The following PXDNL variants were observed in gnomAD, a reference collection of about 807,000 sequenced individuals.
PXDNL encodes the protein peroxidasin like, also known as probable oxidoreductase PXDNL.
Under a neutral mutation model 150.8 loss-of-function variants are expected in PXDNL, and 145 were observed. The ratio of observed to expected loss-of-function variants is 0.96; its 90% CI spans 0.84 to 1.10. PXDNL has a LOEUF of 1.10. Ranked by LOEUF, PXDNL falls within the 50% of genes least tolerant of loss-of-function variation. The pLI, the probability that PXDNL is intolerant of heterozygous loss-of-function variation, is 0.00. For synonymous variants in PXDNL, 757 were observed against 725.7 expected, an observed-to-expected ratio of 1.04 and a Z score of -0.69; for missense variants, 2,087 against 1,873.9, an observed-to-expected ratio of 1.11 and a Z score of -2.10.
At chr8:51,576,662 T>G (rs991469202) in intron 3 of PXDNL, among the ~76,000 whole-genome samples, 6 of 151,300 alleles carry the variant, frequency 4.0e-5, no homozygotes, top group African/African-American at 9.7e-5. Context: ...ATAATAAAAA[T>G]AAGCAAAACT....
chr8:51,612,893 T>C (rs1814046019), intron 2 of PXDNL, among the ~76,000 whole-genome samples: 2 of 152,200 alleles, frequency 1.3e-5, no homozygotes, highest in African/African-American at 4.8e-5. Flanking sequence ...TTTTTCCTTG[T>C]TTTTCTACAC....
At chr8:51,733,580 G>T (rs990227058) in intron 1 of PXDNL, among the ~76,000 whole-genome samples, 1 of 152,042 alleles carries the variant, frequency 6.6e-6, no homozygotes, top group Non-Finnish European at 1.5e-5. Context: ...GGCTGAGGTG[G>T]GCAGATCACT....
intron 17 of PXDNL, among the ~76,000 whole-genome samples, chr8:51,403,258 G>T (rs186781538): frequency 5.3e-4 from 80 of 152,128 alleles, no homozygotes; most frequent in Non-Finnish European, 6.0e-4. Context: ...ATGAAAAAAA[G>T]ATTTCCTGAG....
At chr8:51,792,263 G>T (rs2129256745) in intron 1 of PXDNL, among the ~76,000 whole-genome samples, 1 of 152,134 alleles carries the variant, frequency 6.6e-6, no homozygotes, top group African/African-American at 2.4e-5. Flanking sequence ...CTAGGTGGTT[G>T]GCATGACCCA....
At chr8:51,759,142 C>T (rs1161348084) in intron 1 of PXDNL, among the ~76,000 whole-genome samples, 1 of 152,096 alleles carries the variant, frequency 6.6e-6, no homozygotes, top group Non-Finnish European at 1.5e-5. Flanking sequence ...TTTGTTTGCC[C>T]CCGCATTGGT....
chr8:51,418,756 C>G (rs939608381), intron 14 of PXDNL, among the ~76,000 whole-genome samples: 1 of 152,146 alleles, frequency 6.6e-6, no homozygotes, highest in African/African-American at 2.4e-5. Context: ...GCTAACGTAG[C>G]CTTAAATCTT....
At chr8:51,422,432 G>A (rs1808980246) in intron 14 of PXDNL, among the ~76,000 whole-genome samples, 2 of 152,148 alleles carry the variant, frequency 1.3e-5, no homozygotes, top group African/African-American at 4.8e-5. Flanking sequence ...GAATATGTAA[G>A]TGGAAGAATG....
intron 5 of PXDNL, among the ~76,000 whole-genome samples, chr8:51,493,517 A>T (rs1196655712): frequency 6.6e-6 from 1 of 152,172 alleles, no homozygotes; most frequent in Admixed American, 6.6e-5. Context: ...CATGGCAAAG[A>T]AGTTAAAAAC....
At chr8:51,517,296 T>A (rs531249574) in intron 4 of PXDNL, among the ~76,000 whole-genome samples, 1 of 152,274 alleles carries the variant, frequency 6.6e-6, no homozygotes, top group East Asian at 1.9e-4. Context: ...AACCATTGTT[T>A]TATAGCAATG....
intron 4 of PXDNL, among the ~76,000 whole-genome samples, chr8:51,553,299 C>T (rs1041713617): frequency 6.6e-6 from 1 of 152,110 alleles, no homozygotes; most frequent in South Asian, 2.1e-4. Context: ...TGGTGGCAGT[C>T]CCACTCCCAT....
chr8:51,511,739 C>T (rs935634485), intron 4 of PXDNL, among the ~76,000 whole-genome samples: 1 of 152,158 alleles, frequency 6.6e-6, no homozygotes, highest in African/African-American at 2.4e-5. Flanking sequence ...TGCACTCCCC[C>T]CTTTCTAGGG....
intron 1 of PXDNL, among the ~76,000 whole-genome samples, chr8:51,765,893 G>T (rs561740697): frequency 6.6e-6 from 1 of 150,982 alleles, no homozygotes; most frequent in African/African-American, 2.4e-5. Context: ...CCCCAGGCTG[G>T]AGTGCAGTGG....
intron 4 of PXDNL, among the ~76,000 whole-genome samples, chr8:51,526,070 A>G (rs964142304): frequency 6.6e-6 from 1 of 152,156 alleles, no homozygotes; most frequent in African/African-American, 2.4e-5. Flanking sequence ...CGAAATGAAA[A>G]TGTCACTGAA....
At chr8:51,674,937 G>A (rs1236418639) in intron 1 of PXDNL, among the ~76,000 whole-genome samples, 1 of 152,138 alleles carries the variant, frequency 6.6e-6, no homozygotes, top group African/African-American at 2.4e-5. Flanking sequence ...TATTTCCCCT[G>A]GACTTAGATT....
chr8:51,371,386 A>G (rs776699844), intron 19 of PXDNL, among the ~76,000 whole-genome samples: 1 of 152,238 alleles, frequency 6.6e-6, no homozygotes, highest in African/African-American at 2.4e-5. Flanking sequence ...TGTTGTAGAT[A>G]TCACCAATTC....
At chr8:51,492,831 G>A (rs940739567) in intron 5 of PXDNL, among the ~76,000 whole-genome samples, 4 of 152,202 alleles carry the variant, frequency 2.6e-5, no homozygotes, top group Non-Finnish European at 5.9e-5. Context: ...AGGCCTGCCT[G>A]CCTCTGTAGA....
At chr8:51,627,317 G>A (rs1214808863) in intron 2 of PXDNL, among the ~76,000 whole-genome samples, 1 of 152,006 alleles carries the variant, frequency 6.6e-6, no homozygotes, top group Non-Finnish European at 1.5e-5. Context: ...AAAATTAACA[G>A]GTGAGATTTA....
At chr8:51,722,621 G>A (rs1167226507) in intron 1 of PXDNL, among the ~76,000 whole-genome samples, 1 of 152,100 alleles carries the variant, frequency 6.6e-6, no homozygotes, top group Non-Finnish European at 1.5e-5. Context: ...GTGGGAAGAC[G>A]ATCTTCCCCT....
intron 19 of PXDNL, among the ~76,000 whole-genome samples, chr8:51,352,290 CAT>C (rs1260374794): frequency 1.3e-5 from 2 of 152,204 alleles, no homozygotes; most frequent in African/African-American, 4.8e-5. Flanking sequence ...CACCTGCACT[CAT>C]ATGTTTATCA....
Sources: allele counts gnomAD v4.1 joint callset (sites outside exome capture counted in the v4.1 genomes callset), GRCh38; gene constraint gnomAD v4.1.1; transcripts MANE v1.5; gene names NCBI Gene and HGNC (gene_info 2026-07-23, HGNC 2026-07-21).